SPART: variants seen among roughly 807,000 people sequenced by gnomAD.
The protein encoded by SPART is spastic paraplegia 20 (Troyer syndrome).
Under a neutral mutation model 58.7 loss-of-function variants are expected in SPART, and 35 were observed. The observed-to-expected ratio is 0.60, with a 90% CI of 0.46 to 0.79. SPART has a LOEUF of 0.79. Ranked by LOEUF, SPART falls within the 30% of genes least tolerant of loss-of-function variation. SPART has a pLI of 0.00. For missense variants in SPART, 730 were observed against 786.1 expected (o/e 0.93, Z 0.85); for synonymous variants, 284 against 280.7 (o/e 1.01, Z -0.12).
intron 1 of SPART, among the ~76,000 whole-genome samples, chr13:36,339,955 G>C (rs1424751638): frequency 6.6e-6 from 1 of 152,078 alleles, no homozygotes; most frequent in Non-Finnish European, 1.5e-5. Flanking sequence ...TGTAGTTCCA[G>C]CTACTCAGGA....
chr13:36,361,993 AG>A (rs1284921595), intron 1 of SPART, among the ~76,000 whole-genome samples: 5 of 152,198 alleles, frequency 3.3e-5, no homozygotes, highest in African/African-American at 1.2e-4. Flanking sequence ...AGCAATGCCT[AG>A]GACACTCCAT....
At chr13:36,316,034 C>G (rs541196622) in intron 5 of SPART, among the ~76,000 whole-genome samples, 4 of 152,200 alleles carry the variant, frequency 2.6e-5, no homozygotes, top group African/African-American at 9.7e-5. Context: ...TGCAATATTT[C>G]ATCGGTAGCT....
At chr13:36,312,573 T>C (rs1881247642) in intron 6 of SPART, 96 bp from the exon 7 acceptor site, 2 of 1,265,422 alleles carry the variant, frequency 1.6e-6, no homozygotes, top group South Asian at 1.2e-5. Context: ...AACATCTAAA[T>C]TGTTTTACTA....
chr13:36,329,253 G>T, intron 4 of SPART, 109 bp downstream of exon 4: 2 of 1,216,796 alleles, frequency 1.6e-6, no homozygotes, highest in Non-Finnish European at 2.4e-6. Context: ...GTTGACTAAT[G>T]CACAAGTTGC....
intron 1 of SPART, among the ~76,000 whole-genome samples, chr13:36,357,701 A>G (rs1426953892): frequency 6.6e-6 from 1 of 152,244 alleles, no homozygotes; most frequent in East Asian, 1.9e-4. Flanking sequence ...TTTAAATTCT[A>G]TGTAATTGTG....
chr13:36,347,630 A>G (rs970307852), upstream of SPART, among the ~76,000 whole-genome samples: 2 of 152,146 alleles, frequency 1.3e-5, no homozygotes, highest in African/African-American at 4.8e-5. Flanking sequence ...CCTATTAGGA[A>G]TATATTAATA....
chr13:36,354,839 G>A (rs552056052), intron 1 of SPART, among the ~76,000 whole-genome samples: 12 of 152,180 alleles, frequency 7.9e-5, no homozygotes, highest in African/African-American at 2.6e-4. Context: ...TCTACTCTAC[G>A]TGGATTTACT....
At chr13:36,367,712 C>T (rs1233430755) in intron 1 of SPART, among the ~76,000 whole-genome samples, 1 of 152,188 alleles carries the variant, frequency 6.6e-6, no homozygotes, top group East Asian at 1.9e-4. Context: ...GCAGTGTATT[C>T]CCGGTCTTGT....
chr13:36,314,155 C>T lies in SPART; in HGVS notation c.1483+72G>A, dbSNP rs117512522. The stretch of plus-strand genomic sequence containing the variant: ...AGATTAAACCATCTAAATGAACATG[C>T]AGATTAACCCTGGATTAAGACATTA... On this transcript the variant is annotated intron_variant, in intron 6 of 8. Transcript: ENST00000438666. The T allele has an allele frequency of 3.4e-4, 473 of 1,396,630 alleles. 4 individuals are homozygous for T. The East Asian group carries it at 9.7e-3, about 29-fold the overall frequency. 86.5% of individuals were successfully genotyped at this position (1,396,630 alleles called of 1,614,324 possible). A position where few individuals can be genotyped will look rare whatever the true frequency, so the allele number is the denominator to read the frequency against.
intron 4 of SPART, among the ~76,000 whole-genome samples, chr13:36,327,484 T>C (rs576292737): frequency 6.6e-6 from 1 of 152,338 alleles, no homozygotes; most frequent in Non-Finnish European, 1.5e-5. Context: ...TTTAATATCA[T>C]TTGATTTTTT....
chr13:36,348,293 C>T (rs1395736945), upstream of SPART, among the ~76,000 whole-genome samples: 1 of 152,006 alleles, frequency 6.6e-6, no homozygotes, highest in Admixed American at 6.6e-5. Context: ...CCCCCTGGCC[C>T]CCACCAAAAA....
chr13:36,320,545 T>C (rs951056438), intron 5 of SPART, among the ~76,000 whole-genome samples: 3 of 152,166 alleles, frequency 2.0e-5, no homozygotes, highest in African/African-American at 7.2e-5. Flanking sequence ...TGGAAATCTA[T>C]CCTCAAGGAA....
At chr13:36,315,738 C>T (rs1881626978) in intron 5 of SPART, among the ~76,000 whole-genome samples, 1 of 152,088 alleles carries the variant, frequency 6.6e-6, no homozygotes, top group Non-Finnish European at 1.5e-5. Flanking sequence ...TTTAGATTAA[C>T]TTATAGGTTG....
intron 6 of SPART, 172 bp downstream of exon 6, chr13:36,314,055 A>G: frequency 1.5e-6 from 1 of 655,562 alleles, no homozygotes; most frequent in African/African-American, 1.8e-5. Flanking sequence ...AGATAGGACG[A>G]TGTGATGTTG....
intron 1 of SPART, among the ~76,000 whole-genome samples, chr13:36,361,378 G>T (rs1299441380): frequency 6.6e-6 from 1 of 151,858 alleles, no homozygotes; most frequent in African/African-American, 2.4e-5. Flanking sequence ...TTTTTCAATC[G>T]CTTTGCATCA....
chr13:36,345,501 A>T (rs1885008274), intron 1 of SPART: 2 of 152,262 alleles, frequency 1.3e-5, no homozygotes, highest in African/African-American at 4.8e-5. Context: ...CAAATTCGTT[A>T]AATTATGATA....
intron 1 of SPART, among the ~76,000 whole-genome samples, chr13:36,337,618 C>A (rs547899073): frequency 6.6e-6 from 1 of 152,144 alleles, no homozygotes; most frequent in African/African-American, 2.4e-5. Context: ...TCCCCAGCCA[C>A]GCAGAACTGA....
chr13:36,362,051 G>A (rs1885881594), intron 1 of SPART, among the ~76,000 whole-genome samples: 1 of 152,110 alleles, frequency 6.6e-6, no homozygotes, highest in Non-Finnish European at 1.5e-5. Context: ...TAGACCCCAG[G>A]CAAACAATAC....
chr13:36,309,318 C>T (rs1880848187), intron 8 of SPART, among the ~76,000 whole-genome samples: 1 of 151,662 alleles, frequency 6.6e-6, no homozygotes, highest in South Asian at 2.1e-4. Flanking sequence ...TATGTATGTC[C>T]CAGAATGTAA....
Sources: gnomAD v4.1 joint callset for allele counts (sites outside exome capture counted in the v4.1 genomes callset) on GRCh38, gnomAD v4.1.1 for gene constraint, MANE v1.5 for transcripts, NCBI Gene and HGNC (gene_info 2026-07-23, HGNC 2026-07-21) for gene names.